The following IL34 variants were observed in gnomAD, a reference collection of about 807,000 sequenced individuals.
The protein encoded by IL34 is interleukin-34.
Under a neutral mutation model 25.3 loss-of-function variants are expected in IL34, and 17 were observed. That is an observed-to-expected ratio of 0.67 (90% confidence interval 0.46 to 1.01). The LOEUF (loss-of-function observed/expected upper bound fraction) is 1.01. Among genes scored for constraint, IL34 ranks in the 50% least tolerant of loss-of-function variants. IL34 has a pLI of 0.00. For missense variants in IL34, 368 were observed against 312.9 expected, an observed-to-expected ratio of 1.18 and a Z score of -1.33; for synonymous variants, 174 against 140.9, an observed-to-expected ratio of 1.23 and a Z score of -1.66.
chr16:70,620,343 C>G (rs949872702), intron 1 of IL34, among the ~76,000 whole-genome samples: 2 of 152,088 alleles, frequency 1.3e-5, no homozygotes, highest in Non-Finnish European at 2.9e-5. Context: ...CTTGACTATG[C>G]CTTTGGCTCC....
intron 1 of IL34, among the ~76,000 whole-genome samples, chr16:70,612,454 C>T (rs1046495722): frequency 6.6e-6 from 1 of 152,174 alleles, no homozygotes; most frequent in Non-Finnish European, 1.5e-5. Context: ...CCAGATGAAG[C>T]TCTGGATCTC....
intron 1 of IL34, among the ~76,000 whole-genome samples, chr16:70,604,462 G>T (rs546472850): frequency 2.6e-5 from 4 of 152,324 alleles, no homozygotes; most frequent in African/African-American, 4.8e-5. Flanking sequence ...CCCAAGTCAG[G>T]AAGGGGAAAC....
chr16:70,620,079 C>G (rs912964335), intron 1 of IL34, among the ~76,000 whole-genome samples: 1 of 152,056 alleles, frequency 6.6e-6, no homozygotes, highest in Admixed American at 6.6e-5. Flanking sequence ...ACCTTGAAGG[C>G]GAGGTTAATT....
chr16:70,635,506 A>G (rs1314539435), intron 1 of IL34, among the ~76,000 whole-genome samples: 1 of 152,080 alleles, frequency 6.6e-6, no homozygotes, highest in African/African-American at 2.4e-5. Flanking sequence ...TCCCCTTGCT[A>G]GTCACAGGTC....
intron 1 of IL34, among the ~76,000 whole-genome samples, 172 bp downstream of exon 1, chr16:70,647,147 C>T (rs566076969): frequency 1.5e-4 from 23 of 152,374 alleles, no homozygotes; most frequent in African/African-American, 3.4e-4. Flanking sequence ...CCCTGTCTGC[C>T]GCTCACTTCG....
chr16:70,614,089 T>A (rs539604214), intron 1 of IL34, among the ~76,000 whole-genome samples: 268 of 147,900 alleles, frequency 1.8e-3, no homozygotes, highest in African/African-American at 5.6e-3. Context: ...GAGGCTGAGG[T>A]GGGAGGACTG....
At chr16:70,606,695 C>G (rs759733695) in intron 1 of IL34, among the ~76,000 whole-genome samples, 1 of 152,072 alleles carries the variant, frequency 6.6e-6, no homozygotes, top group Non-Finnish European at 1.5e-5. Flanking sequence ...TTAATTGATC[C>G]TTCCACTTCA....
chr16:70,622,500 A>G (rs1019700075), intron 1 of IL34, among the ~76,000 whole-genome samples: 4 of 151,918 alleles, frequency 2.6e-5, no homozygotes, highest in Admixed American at 1.3e-4. Context: ...ACTATAGCAT[A>G]GCCTGCCTTT....
At chr16:70,599,293 C>A (rs149325615) in intron 1 of IL34, among the ~76,000 whole-genome samples, 1 of 132,702 alleles carries the variant, frequency 7.5e-6, no homozygotes, top group Non-Finnish European at 1.6e-5. Flanking sequence ...TTCTTTCTTT[C>A]TTCTTTCTTT....
chr16:70,626,966 T>G (rs1355793503), intron 1 of IL34, among the ~76,000 whole-genome samples: 3 of 152,148 alleles, frequency 2.0e-5, no homozygotes, highest in Non-Finnish European at 4.4e-5. Flanking sequence ...CCCACTGTTT[T>G]GTTTATTAAG....
intron 1 of IL34, among the ~76,000 whole-genome samples, chr16:70,633,075 C>T (rs991820087): frequency 2.0e-5 from 3 of 152,142 alleles, no homozygotes; most frequent in African/African-American, 7.2e-5. Flanking sequence ...AGTGATCCTC[C>T]CACCTTAGCC....
chr16:70,648,260 A>T (rs1477729059), intron 1 of IL34, among the ~76,000 whole-genome samples: 1 of 152,176 alleles, frequency 6.6e-6, no homozygotes, highest in Non-Finnish European at 1.5e-5. Flanking sequence ...GGAGGTGCGA[A>T]TGAAAGGCAA....
chr16:70,610,631 C>A (rs546384245), intron 1 of IL34, among the ~76,000 whole-genome samples: 1 of 152,314 alleles, frequency 6.6e-6, no homozygotes, highest in East Asian at 1.9e-4. Context: ...GTGGAAAGTG[C>A]CGCAGAGGGA....
chr16:70,639,206 C>T (rs774037111), intron 1 of IL34, among the ~76,000 whole-genome samples: 1 of 152,152 alleles, frequency 6.6e-6, no homozygotes, highest in Non-Finnish European at 1.5e-5. Flanking sequence ...AGCCCGGATC[C>T]AGGAGTGTAT....
chr16:70,648,258 G>T lies in IL34; in HGVS notation c.28+1283G>T, dbSNP rs76954978. On this transcript the variant is annotated intron_variant, in intron 1 of 5. Transcript: ENST00000288098. ...AGGGTCATTCTGGAGGTGGAGGTGC[G>T]AATGAAAGGCAAGGGATGCTGGGCT... 2.8e-3 allele frequency among the ~76,000 whole-genome samples: 421 copies of T among 152,312 alleles called. 4 individuals carry two copies. Among genetic ancestry groups the T allele is most frequent in the Middle Eastern group, 0.02 (6 of 294 alleles).
intron 1 of IL34, among the ~76,000 whole-genome samples, chr16:70,627,968 C>G (rs1332894361): frequency 6.6e-6 from 1 of 152,134 alleles, no homozygotes; most frequent in African/African-American, 2.4e-5. Context: ...AAAGAAATTG[C>G]TAAGCTGTGG....
chr16:70,646,055 A>C (rs2051919438), upstream of IL34, among the ~76,000 whole-genome samples: 1 of 152,136 alleles, frequency 6.6e-6, no homozygotes, highest in Non-Finnish European at 1.5e-5. Context: ...ACTCCGTCTC[A>C]AAAAAATTTT....
chr16:70,649,016 C>A (rs1323330209), intron 1 of IL34, among the ~76,000 whole-genome samples: 1 of 152,120 alleles, frequency 6.6e-6, no homozygotes, highest in African/African-American at 2.4e-5. Context: ...ACACTAGTCA[C>A]TGGATTTAGG....
At chr16:70,625,128 C>G (rs909032125) in intron 1 of IL34, among the ~76,000 whole-genome samples, 1 of 151,984 alleles carries the variant, frequency 6.6e-6, no homozygotes, top group Non-Finnish European at 1.5e-5. Flanking sequence ...GGTCAAGCAG[C>G]ATTGCAGAAG....
Sources: gnomAD v4.1 joint callset for allele counts (sites outside exome capture counted in the v4.1 genomes callset) on GRCh38, gnomAD v4.1.1 for gene constraint, MANE v1.5 for transcripts, NCBI Gene and HGNC (gene_info 2026-07-23, HGNC 2026-07-21) for gene names.